Variants in CNMD observed in about 807,000 individuals in gnomAD.
The protein encoded by CNMD is chondromodulin.
CNMD carries 30 observed loss-of-function variants against 37.5 expected under a neutral mutation model. That is an observed-to-expected ratio of 0.80 (90% CI 0.60 to 1.09). The LOEUF (loss-of-function observed/expected upper bound fraction) is 1.09. Ranked by LOEUF, CNMD falls within the 50% of genes least tolerant of loss-of-function variation. The probability of loss-of-function intolerance (pLI) is 0.00; values close to 1 mark genes in which losing one functional copy is unlikely to be tolerated. For synonymous variants in CNMD, 167 were observed against 148.2 expected (o/e 1.13, Z -0.92); for missense variants, 398 against 423.9 (o/e 0.94, Z 0.54).
At chr13:52,721,705 C>T (rs574112833) in intron 4 of CNMD, among the ~76,000 whole-genome samples, 4 of 150,858 alleles carry the variant, frequency 2.7e-5, no homozygotes, top group Non-Finnish European at 5.9e-5. Flanking sequence ...GTTGATCTCA[C>T]TGGGAGCTGC....
At chr13:52,716,751 C>A (rs1964390644) in intron 4 of CNMD, among the ~76,000 whole-genome samples, 1 of 152,076 alleles carries the variant, frequency 6.6e-6, no homozygotes, top group East Asian at 1.9e-4. Context: ...GTTACTATAG[C>A]CTTGTAGTAT....
chr13:52,724,911 A>C (rs370382742), intron 3 of CNMD, among the ~76,000 whole-genome samples: 358 of 152,304 alleles, frequency 2.4e-3, no homozygotes, highest in African/African-American at 8.0e-3. Context: ...AAAAACAAAC[A>C]AACAAACAAG....
At chr13:52,727,864 A>G (rs926926492) in intron 3 of CNMD, among the ~76,000 whole-genome samples, 13 of 152,316 alleles carry the variant, frequency 8.5e-5, no homozygotes, top group Admixed American at 5.9e-4. Context: ...GCAGTTAGAC[A>G]GAAGAAATAA....
chr13:52,727,328 G>A (rs946331635), intron 3 of CNMD, among the ~76,000 whole-genome samples: 1 of 151,978 alleles, frequency 6.6e-6, no homozygotes, highest in Non-Finnish European at 1.5e-5. Context: ...TTGAAGAGAA[G>A]TCTTTTGAAA....
At chr13:52,704,160 AAGT>A (rs1964137967) in intron 6 of CNMD, among the ~76,000 whole-genome samples, 2 of 152,218 alleles carry the variant, frequency 1.3e-5, no homozygotes, top group Admixed American at 6.5e-5. Context: ...TTATGATAAA[AAGT>A]AGCATTTCTG....
chr13:52,732,087 A>G (rs896177158), intron 3 of CNMD, among the ~76,000 whole-genome samples: 1 of 152,196 alleles, frequency 6.6e-6, no homozygotes, highest in African/African-American at 2.4e-5. Flanking sequence ...TGGGTATTCA[A>G]ATGGACTTAT....
chr13:52,714,769 TCACA>T (rs148218573), intron 4 of CNMD, among the ~76,000 whole-genome samples: 2 of 150,466 alleles, frequency 1.3e-5, no homozygotes, highest in African/African-American at 2.4e-5. Context: ...AGAAAGACTA[TCACA>T]CACACACACA....
intron 4 of CNMD, 109 bp downstream of exon 4, chr13:52,723,888 C>G: frequency 1.4e-6 from 1 of 714,400 alleles, no homozygotes; most frequent in Non-Finnish European, 2.4e-6. Context: ...GAGTGAGACT[C>G]TGTCTCAATA....
intron 6 of CNMD, among the ~76,000 whole-genome samples, chr13:52,706,795 G>A (rs1318936801): frequency 6.6e-6 from 1 of 152,058 alleles, no homozygotes; most frequent in Non-Finnish European, 1.5e-5. Context: ...AATAGTCATT[G>A]TTAATAGTTT....
chr13:52,705,880 A>AGGCTCTCT (rs1964166235), intron 6 of CNMD, among the ~76,000 whole-genome samples: 3 of 152,204 alleles, frequency 2.0e-5, no homozygotes, highest in Non-Finnish European at 4.4e-5. Context: ...CTCTCTAGGG[A>AGGCTCTCT]ATAAACAGTA....
intron 2 of CNMD, among the ~76,000 whole-genome samples, chr13:52,737,011 C>T (rs1308907435): frequency 1.3e-5 from 2 of 152,148 alleles, no homozygotes; most frequent in Non-Finnish European, 2.9e-5. Flanking sequence ...TTTCAGTAAA[C>T]CTGTCCTAAG....
chr13:52,723,880 G>A, intron 4 of CNMD, 117 bp downstream of exon 4: 1 of 687,978 alleles, frequency 1.5e-6, no homozygotes, highest in South Asian at 1.8e-5. Context: ...GCACTCCAGA[G>A]TGAGACTCTG....
rs542894416 is a variant in CNMD, at chr13:52,729,817, T to G, written c.354+3402A>C. Among the ~76,000 whole-genome samples, 6 of 152,212 alleles carry G rather than the reference T, an allele frequency of 3.9e-5. No homozygotes were observed. The East Asian group carries it at 7.7e-4, about 20-fold the overall frequency. On this transcript the variant is annotated intron_variant, in intron 3 of 6. Transcript: ENST00000377962. ...ATGCCCATCAGTTTATTCTTTCAATTTCTTTTTTTTAAAATTTTATTATTA... is the reference window on the plus strand; with the variant it reads ...ATGCCCATCAGTTTATTCTTTCAATGTCTTTTTTTTAAAATTTTATTATTA...
chr13:52,739,581 A>C lies in CNMD; in HGVS notation c.72+49T>G. On this transcript the variant is annotated intron_variant, in intron 1 of 6. Transcript: ENST00000377962. The surrounding 1 kb of genome is among the most constrained non-coding windows in gnomAD (Gnocchi z 5.4). ...CCCTGAGTCCGAACTGTGGAACCTG[A>C]TACTCACACAACCCAGGCCCTGCGT... 6.6e-7 allele frequency: 1 copy of C among 1,520,252 alleles called. No homozygotes were observed. The highest frequency in any genetic ancestry group is 1.1e-5 in the South Asian group (1 of 89,102). The allele number at this position is 1,520,252 out of a possible 1,614,324, so 94.2% of individuals were successfully genotyped here.
chr13:52,706,860 T>G (rs187375231), intron 6 of CNMD, among the ~76,000 whole-genome samples: 1 of 152,122 alleles, frequency 6.6e-6, no homozygotes. Context: ...ATATATCCTT[T>G]TGTACTGTTT....
intron 5 of CNMD, among the ~76,000 whole-genome samples, chr13:52,712,513 A>C (rs1180289343): frequency 1.3e-5 from 2 of 152,002 alleles, no homozygotes; most frequent in Non-Finnish European, 2.9e-5. Flanking sequence ...TGTTAACCCT[A>C]CTGCTCCTTC....
At position 52,703,749 on chromosome 13, in the gene CNMD, A is replaced by G. The variant is rs1050433922; in HGVS notation, c.851T>C (p.Ile284Thr). The G allele has an allele frequency of 4.3e-6, 7 of 1,613,888 alleles. No homozygotes were observed. Among genetic ancestry groups the G allele is most frequent in the Admixed American group, 1.7e-5 (1 of 59,976 alleles). The change falls in exon 7 of 7, where the codon ATA becomes ACA. Residue 284 changes from isoleucine to threonine, a missense_variant. Coordinates refer to ENST00000377962, the MANE Select transcript of CNMD (RefSeq NM_007015.3). Reference protein sequence around the residue: ...PRLDHEGICCIECRRSYTHCQ... With the variant: ...PRLDHEGICCTECRRSYTHCQ... Reference sequence around the variant, plus strand: ...GTGGGTGTAGCTCCGCCTACATTCTATACAACAGATTCCTTCGTGATCCAG... The same window carrying G: ...GTGGGTGTAGCTCCGCCTACATTCTGTACAACAGATTCCTTCGTGATCCAG...
chr13:52,709,443 CA>C (rs1269350253), intron 5 of CNMD, among the ~76,000 whole-genome samples: 1 of 152,194 alleles, frequency 6.6e-6, no homozygotes, highest in Non-Finnish European at 1.5e-5. Context: ...TTGACTATAT[CA>C]GTATAAAGCT....
rs1297545942 is a variant in CNMD, at chr13:52,739,400, A to G, written c.73-229T>C. On this transcript the variant is annotated intron_variant, in intron 1 of 6. Coordinates refer to ENST00000377962, the MANE Select transcript of CNMD (RefSeq NM_007015.3). This position sits in a 1 kb window ranked among gnomAD's most constrained non-coding sequence, Gnocchi z 5.4. ...CCCCGCAGCACAGGGCCTTCGCCCCAGGACCTGCACCCTCTACCGGCCACG... is the reference window on the plus strand; with the variant it reads ...CCCCGCAGCACAGGGCCTTCGCCCCGGGACCTGCACCCTCTACCGGCCACG... 4 of 665,440 alleles carry G rather than the reference A, an allele frequency of 6.0e-6. No individual in the cohort carries two copies. The highest frequency in any genetic ancestry group is 5.7e-5 in the East Asian group (2 of 35,136). 41.2% of individuals were successfully genotyped at this position (665,440 alleles called of 1,614,324 possible). A position where few individuals can be genotyped will look rare whatever the true frequency, so the allele number is the denominator to read the frequency against.
Sources: allele counts gnomAD v4.1 joint callset (sites outside exome capture counted in the v4.1 genomes callset), GRCh38; gene constraint gnomAD v4.1.1; non-coding constraint Gnocchi (gnomAD v3.1); transcripts MANE v1.5; gene names NCBI Gene and HGNC (gene_info 2026-07-23, HGNC 2026-07-21).